DLG2: variants seen among roughly 807,000 people sequenced by gnomAD.
The protein encoded by DLG2 is discs large MAGUK scaffold protein 2.
A neutral mutation model predicts 132.5 loss-of-function variants in DLG2; 45 were observed. That is an observed-to-expected ratio of 0.34 (90% CI 0.27 to 0.44). The LOEUF (loss-of-function observed/expected upper bound fraction) is 0.44. Among genes scored for constraint, DLG2 ranks in the 20% least tolerant of loss-of-function variants. DLG2 has a pLI of 1.00. For missense variants in DLG2, 1,045 were observed against 1,196.9 expected, an observed-to-expected ratio of 0.87 and a Z score of 1.87; for synonymous variants, 424 against 419.6, an observed-to-expected ratio of 1.01 and a Z score of -0.13.
chr11:83,602,110 A>G (rs1362501154), intron 19 of DLG2, among the ~76,000 whole-genome samples: 1 of 152,188 alleles, frequency 6.6e-6, no homozygotes, highest in Non-Finnish European at 1.5e-5. Context: ...AAATGAATGA[A>G]CCACATGTTT....
chr11:85,508,766 T>G (rs1387536974), intron 3 of DLG2, among the ~76,000 whole-genome samples: 1 of 152,054 alleles, frequency 6.6e-6, no homozygotes, highest in Non-Finnish European at 1.5e-5. Context: ...ACTTTGAAAT[T>G]GTATTAAGTT....
chr11:85,431,192 C>G (rs2091158625), intron 3 of DLG2, among the ~76,000 whole-genome samples: 1 of 152,102 alleles, frequency 6.6e-6, no homozygotes, highest in Admixed American at 6.5e-5. Context: ...GCATGTGAAT[C>G]CTGCACCAGC....
At chr11:85,065,521 C>A (rs1479129434) in intron 6 of DLG2, among the ~76,000 whole-genome samples, 1 of 151,240 alleles carries the variant, frequency 6.6e-6, no homozygotes, top group Non-Finnish European at 1.5e-5. Flanking sequence ...CCAGGTTTCA[C>A]AATCTACATA....
chr11:84,974,333 G>A (rs1401040613), intron 6 of DLG2, among the ~76,000 whole-genome samples: 2 of 152,154 alleles, frequency 1.3e-5, no homozygotes, highest in Admixed American at 1.3e-4. Flanking sequence ...GTTAAGAATT[G>A]GGAAACTAGA....
At chr11:84,842,042 T>C (rs1033784170) in intron 6 of DLG2, among the ~76,000 whole-genome samples, 1 of 151,978 alleles carries the variant, frequency 6.6e-6, no homozygotes, top group African/African-American at 2.4e-5. Flanking sequence ...TTACTTACTA[T>C]ATTCTGAAAT....
At chr11:84,454,673 T>C (rs1478521988) in intron 7 of DLG2, among the ~76,000 whole-genome samples, 1 of 151,468 alleles carries the variant, frequency 6.6e-6, no homozygotes, top group Admixed American at 6.6e-5. Flanking sequence ...ACCATATTAT[T>C]TACATGAGCA....
chr11:84,640,236 T>G (rs761668541), intron 6 of DLG2: 5 of 310,960 alleles, frequency 1.6e-5, no homozygotes, highest in Non-Finnish European at 3.1e-5. Flanking sequence ...ATCAAGGGTG[T>G]TAACAGTGGG....
chr11:84,539,299 A>G (rs933545388), intron 6 of DLG2, among the ~76,000 whole-genome samples: 13 of 152,214 alleles, frequency 8.5e-5, no homozygotes, highest in Admixed American at 6.5e-4. Flanking sequence ...TTAGGACTCA[A>G]AGGTCTTTAG....
intron 18 of DLG2, among the ~76,000 whole-genome samples, chr11:83,653,508 C>T (rs1011077073): frequency 1.3e-5 from 2 of 152,196 alleles, no homozygotes; most frequent in African/African-American, 2.4e-5. Context: ...GCAGGCTACA[C>T]CTTGGGCCCC....
At chr11:85,340,044 G>C (rs2082378720) in intron 3 of DLG2, among the ~76,000 whole-genome samples, 1 of 152,192 alleles carries the variant, frequency 6.6e-6, no homozygotes, top group Non-Finnish European at 1.5e-5. Flanking sequence ...GTTGGTGCTA[G>C]TGTAAATTGG....
intron 9 of DLG2, among the ~76,000 whole-genome samples, chr11:84,140,530 C>T (rs181448027): frequency 6.6e-5 from 10 of 152,146 alleles, no homozygotes; most frequent in South Asian, 2.1e-4. Context: ...TTCCTATTCA[C>T]GAGTTCCAAA....
At chr11:84,454,320 A>C (rs1056728283) in intron 7 of DLG2, among the ~76,000 whole-genome samples, 1 of 151,458 alleles carries the variant, frequency 6.6e-6, no homozygotes, top group African/African-American at 2.4e-5. Context: ...TATTCTTACT[A>C]CCCATGGAAC....
chr11:84,378,386 C>G (rs1453816628), intron 7 of DLG2, among the ~76,000 whole-genome samples: 2 of 152,160 alleles, frequency 1.3e-5, no homozygotes, highest in Non-Finnish European at 2.9e-5. Flanking sequence ...GCACCTTGAT[C>G]TTGAATTTCC....
chr11:83,903,148 C>A (rs1363162009), intron 15 of DLG2, among the ~76,000 whole-genome samples: 1 of 151,668 alleles, frequency 6.6e-6, no homozygotes, highest in African/African-American at 2.4e-5. Flanking sequence ...ATGGACAATT[C>A]ATTTATCTTT....
In DLG2 at chr11:84,026,778, C is replaced by A. The variant is rs78313020; in HGVS notation, c.919+32537G>T. Among the ~76,000 whole-genome samples, 396 of 152,202 alleles carry A rather than the reference C, an allele frequency of 2.6e-3. 6 individuals carry two copies. Among genetic ancestry groups the A allele is most frequent in the African/African-American group, 9.0e-3 (375 of 41,550 alleles). ...ATGGAACATAGGCTTTGGATTCTAA[C>A]AGGCTTAAGTTCAAATCCCAAAATT... On this transcript the variant is annotated intron_variant, in intron 11 of 27. Coordinates refer to ENST00000376104, the MANE Select transcript of DLG2 (RefSeq NM_001142699.3).
intron 7 of DLG2, among the ~76,000 whole-genome samples, chr11:84,311,987 C>G (rs1290007427): frequency 6.6e-6 from 1 of 152,186 alleles, no homozygotes; most frequent in Non-Finnish European, 1.5e-5. Flanking sequence ...CTCACTGATT[C>G]ATTTCTCTTC....
intron 3 of DLG2, among the ~76,000 whole-genome samples, chr11:85,593,744 G>T (rs1181773450): frequency 6.6e-6 from 1 of 151,984 alleles, no homozygotes; most frequent in African/African-American, 2.4e-5. Context: ...TATTCAAAGA[G>T]ATGTTATTTT....
chr11:85,454,990 G>A (rs1379633486), intron 3 of DLG2, among the ~76,000 whole-genome samples: 1 of 152,112 alleles, frequency 6.6e-6, no homozygotes, highest in African/African-American at 2.4e-5. Flanking sequence ...GCTTATAATT[G>A]TTTGGGGTAT....
chr11:85,578,462 C>A (rs2078298012), intron 3 of DLG2, among the ~76,000 whole-genome samples: 3 of 152,006 alleles, frequency 2.0e-5, no homozygotes. Context: ...ACAACCTATA[C>A]AATGGGAGAA....
Sources: gnomAD v4.1 joint callset for allele counts (sites outside exome capture counted in the v4.1 genomes callset) on GRCh38, gnomAD v4.1.1 for gene constraint, MANE v1.5 for transcripts, NCBI Gene and HGNC (gene_info 2026-07-23, HGNC 2026-07-21) for gene names.